PRKDC: variants seen among roughly 807,000 people sequenced by gnomAD.
PRKDC encodes protein kinase, DNA-activated, catalytic subunit.
Under a neutral mutation model 486.9 loss-of-function variants are expected in PRKDC, and 82 were observed. That is an observed-to-expected ratio of 0.17 (90% CI 0.14 to 0.20). PRKDC has a LOEUF of 0.20. Among genes scored for constraint, PRKDC ranks in the 10% least tolerant of loss-of-function variants. The pLI is 1.00. For missense variants in PRKDC, 4,504 were observed against 5,038.2 expected (o/e 0.89, Z 3.21); for synonymous variants, 1,895 against 1,837.0 (o/e 1.03, Z -0.81).
At chr8:47,889,268 T>G in intron 32 of PRKDC, 46 bp from the exon 33 acceptor site, 1 of 1,496,138 alleles carries the variant, frequency 6.7e-7, no homozygotes. Context: ...CCAGCACTTC[T>G]ATTTTCACCA....
At chr8:47,957,315 G>A (rs376228563) in intron 2 of PRKDC, 40 bp downstream of exon 2, 20 of 1,583,888 alleles carry the variant, frequency 1.3e-5, no homozygotes, top group Non-Finnish European at 1.6e-5. Context: ...AGTCACTCCA[G>A]GAATATACAA....
At chr8:47,943,555 A>G (rs774272859) in intron 9 of PRKDC, among the ~76,000 whole-genome samples, 189 bp from the exon 10 acceptor site, 4 of 152,238 alleles carry the variant, frequency 2.6e-5, no homozygotes, top group Admixed American at 6.5e-5. Context: ...AACTTGGCTG[A>G]CAAATCCCAA....
At chr8:47,789,113 TTA>T (rs758637868) in intron 75 of PRKDC, 36 bp downstream of exon 75, 5 of 1,612,636 alleles carry the variant, frequency 3.1e-6, no homozygotes, top group Non-Finnish European at 4.2e-6. Flanking sequence ...TTTACCCAAC[TTA>T]TATGTTTTAT....
chr8:47,887,736 C>A, intron 34 of PRKDC, 31 bp from the exon 35 acceptor site: 2 of 1,557,146 alleles, frequency 1.3e-6, no homozygotes. Flanking sequence ...AAATGCCTAG[C>A]AAAAAGATAT....
At chr8:47,887,408 A>C in intron 35 of PRKDC, 139 bp downstream of exon 35, 3 of 666,044 alleles carry the variant, frequency 4.5e-6, no homozygotes, top group Non-Finnish European at 6.6e-6. Flanking sequence ...TCTTTTAGAA[A>C]GTTGGCTCAT....
intron 42 of PRKDC, 127 bp from the exon 43 acceptor site, chr8:47,862,668 G>C (rs2088703734): frequency 4.8e-6 from 4 of 841,050 alleles, no homozygotes; most frequent in Non-Finnish European, 7.1e-6. Context: ...GTGCCAGGCA[G>C]AGTATTAGGC....
rs2086712301 is a variant in PRKDC, at chr8:47,782,407, C to T, written c.11367G>A (p.Arg3789=). Residue 3789 remains arginine (R), a synonymous_variant, in exon 79 of 86, where the codon AGG becomes AGA. Transcript: ENST00000314191. This position sits in a 1 kb window ranked among gnomAD's most constrained non-coding sequence, Gnocchi z 4.9. The part of the protein sequence containing the change: ...SACSQRALQL[R]TYSVVPMTSR... ...AGGTCATGGGCACAACGCTATAGGT[C>T]CTCAGCTGCAGGGCCCTCTGGCTGC... The T allele has an allele frequency of 6.2e-7, 1 of 1,603,384 alleles. No individual in the cohort carries two copies. The highest frequency in any genetic ancestry group is 8.5e-7 in the Non-Finnish European group (1 of 1,175,702).
chr8:47,789,942 C>T (rs894909737), intron 74 of PRKDC, among the ~76,000 whole-genome samples: 2 of 152,080 alleles, frequency 1.3e-5, no homozygotes, highest in African/African-American at 2.4e-5. Context: ...AAGCCATGTA[C>T]AACACACTCA....
chr8:47,839,876 A>G, intron 55 of PRKDC, 140 bp downstream of exon 55: 1 of 602,392 alleles, frequency 1.7e-6, no homozygotes, highest in Non-Finnish European at 2.7e-6. Flanking sequence ...CAAAAGGCTG[A>G]GATGGAAGGA....
At chr8:47,957,020 T>G in intron 3 of PRKDC, 151 bp downstream of exon 3, 1 of 420,712 alleles carries the variant, frequency 2.4e-6, no homozygotes, top group Non-Finnish European at 4.2e-6. Flanking sequence ...AGAGCCCACT[T>G]CATTTGTAAC....
chr8:47,950,974 C>A (rs570888272), intron 7 of PRKDC, among the ~76,000 whole-genome samples: 31 of 152,020 alleles, frequency 2.0e-4, no homozygotes, highest in African/African-American at 6.8e-4. Context: ...GAGACCCCAT[C>A]TCTTAAAAAA....
At chr8:47,812,494 A>G (rs2087350175) in intron 68 of PRKDC, among the ~76,000 whole-genome samples, 2 of 152,228 alleles carry the variant, frequency 1.3e-5, no homozygotes, top group Non-Finnish European at 2.9e-5. Flanking sequence ...AGGTATTTGG[A>G]AATTAAAACA....
intron 4 of PRKDC, among the ~76,000 whole-genome samples, chr8:47,955,461 C>CAAA (rs746883720): frequency 1.3e-3 from 24 of 18,508 alleles, no homozygotes; most frequent in Non-Finnish European, 2.6e-3. Context: ...GACTCCGTCT[C>CAAA]AAAAAAAAAA....
chr8:47,947,449 A>ACCAAGT (rs2154504331), intron 7 of PRKDC, among the ~76,000 whole-genome samples: 1 of 152,292 alleles, frequency 6.6e-6, no homozygotes, highest in South Asian at 2.1e-4. Context: ...CTGGTTTAAC[A>ACCAAGT]CCAAGTTCAT....
At chr8:47,826,561 T>G in intron 63 of PRKDC, 95 bp downstream of exon 63, 2 of 1,252,890 alleles carry the variant, frequency 1.6e-6, no homozygotes, top group Non-Finnish European at 2.2e-6. Flanking sequence ...CTATCAACTT[T>G]ATTAGCTCAT....
intron 28 of PRKDC, among the ~76,000 whole-genome samples, chr8:47,898,863 A>C (rs2089630851): frequency 6.6e-6 from 1 of 152,246 alleles, no homozygotes; most frequent in Non-Finnish European, 1.5e-5. Flanking sequence ...TACCACCAAC[A>C]CCACGGCCAC....
intron 11 of PRKDC, among the ~76,000 whole-genome samples, chr8:47,938,873 A>C (rs924447395): frequency 5.3e-5 from 8 of 152,180 alleles, no homozygotes; most frequent in Non-Finnish European, 8.8e-5. Flanking sequence ...CCTAGCTAAT[A>C]TTCTTAAATA....
chr8:47,830,921 C>T (rs1216121102), intron 60 of PRKDC, among the ~76,000 whole-genome samples, 185 bp from the exon 61 acceptor site: 1 of 152,146 alleles, frequency 6.6e-6, no homozygotes, highest in Non-Finnish European at 1.5e-5. Context: ...AATAAAATCA[C>T]TACACAACAA....
intron 76 of PRKDC, among the ~76,000 whole-genome samples, chr8:47,786,891 G>A (rs574340958): frequency 3.3e-5 from 5 of 151,600 alleles, no homozygotes; most frequent in African/African-American, 1.2e-4. Context: ...CACCGTGCCT[G>A]GCTAATTTTT....
Sources: gnomAD v4.1 joint callset for allele counts (sites outside exome capture counted in the v4.1 genomes callset) on GRCh38, gnomAD v4.1.1 for gene constraint, Gnocchi (gnomAD v3.1) non-coding constraint, MANE v1.5 for transcripts, NCBI Gene and HGNC (gene_info 2026-07-23, HGNC 2026-07-21) for gene names.